The following TSC22D1 variants were observed in gnomAD, a reference collection of about 807,000 sequenced individuals.
TSC22D1 encodes the protein TSC22 domain family protein 1.
TSC22D1 carries 9 observed loss-of-function variants against 74.2 expected under a neutral mutation model. The ratio of observed to expected loss-of-function variants is 0.12; its 90% CI spans 0.07 to 0.21. TSC22D1 has a LOEUF of 0.21. Among genes scored for constraint, TSC22D1 ranks in the 10% least tolerant of loss-of-function variants. TSC22D1 has a pLI of 1.00. For synonymous variants in TSC22D1, 586 were observed against 492.5 expected, an observed-to-expected ratio of 1.19 and a Z score of -2.51; for missense variants, 1,427 against 1,304.7, an observed-to-expected ratio of 1.09 and a Z score of -1.44.
At position 44,576,051 on chromosome 13, in the gene TSC22D1, G is replaced by A; in HGVS notation, c.24C>T (p.Thr8=). ...TGTCTGCAGCGGCGGCGGCCGCGGC[G>A]GTGGACTCAGGCGGCTGGTGCATTG... The part of the protein sequence containing the change: MHQPPES[T]AAAAAAADIS... Residue 8 remains threonine, a synonymous_variant, in exon 1 of 3, where the codon ACC becomes ACT. Transcript: ENST00000458659. 6.4e-7 allele frequency: 1 copy of A among 1,566,202 alleles called. No homozygotes were observed. The highest frequency in any genetic ancestry group is 8.6e-7 in the Non-Finnish European group (1 of 1,158,528).
At chr13:44,530,878 C>T (rs1880799517) in intron 1 of TSC22D1, among the ~76,000 whole-genome samples, 1 of 152,152 alleles carries the variant, frequency 6.6e-6, no homozygotes, top group African/African-American at 2.4e-5. Flanking sequence ...ACAGAAATCA[C>T]ATTCATTGCT....
intron 1 of TSC22D1, among the ~76,000 whole-genome samples, chr13:44,545,282 C>T (rs1437151073): frequency 6.6e-6 from 1 of 151,986 alleles, no homozygotes; most frequent in Admixed American, 6.6e-5. Flanking sequence ...TTGCAATGAG[C>T]CGAGATCACA....
At chr13:44,500,682 G>A (rs61947965) in intron 1 of TSC22D1, among the ~76,000 whole-genome samples, 3,728 of 152,054 alleles carry the variant, frequency 0.025, 67 homozygotes, top group Middle Eastern at 0.044. Context: ...TCTTTCTATG[G>A]ACATGCTTCG....
intron 1 of TSC22D1, among the ~76,000 whole-genome samples, chr13:44,444,881 G>C (rs573093859): frequency 5.3e-5 from 8 of 152,032 alleles, no homozygotes; most frequent in Non-Finnish European, 1.0e-4. Flanking sequence ...CAGATAACTT[G>C]AATAGTCCTG....
intron 1 of TSC22D1, among the ~76,000 whole-genome samples, chr13:44,444,105 C>T (rs989764148): frequency 9.3e-5 from 14 of 151,138 alleles, no homozygotes; most frequent in Admixed American, 2.0e-4. Context: ...ATGGTAAAAA[C>T]CCATCTCTAC....
chr13:44,538,303 T>A, intron 1 of TSC22D1: 1 of 985,214 alleles, frequency 1.0e-6, no homozygotes, highest in Non-Finnish European at 1.2e-6. Context: ...TTGACAATTA[T>A]AATAAGCCTC....
intron 2 of TSC22D1, among the ~76,000 whole-genome samples, chr13:44,435,577 A>G (rs1467143848): frequency 6.6e-6 from 1 of 152,086 alleles, no homozygotes; most frequent in Non-Finnish European, 1.5e-5. Context: ...ATTCTTCTTC[A>G]TTGTGAAGGA....
At chr13:44,551,395 T>TGTGG (rs1566169582) in intron 1 of TSC22D1, among the ~76,000 whole-genome samples, 26 of 122,540 alleles carry the variant, frequency 2.1e-4, no homozygotes, top group South Asian at 5.1e-4. Context: ...GATGGGTGTG[T>TGTGG]GTGTGTGTGT....
chr13:44,450,763 G>C (rs150575698), intron 1 of TSC22D1, among the ~76,000 whole-genome samples: 8 of 152,196 alleles, frequency 5.3e-5, no homozygotes, highest in African/African-American at 1.9e-4. Flanking sequence ...GGGAAATACG[G>C]TTTTGGAACT....
rs186746835 is a variant in TSC22D1, at chr13:44,434,154, C to T, written c.*472G>A. Reference sequence around the variant, plus strand: ...CAAATTTGTACAGTGAACTCTGTTCCCCCTCATTTTAGTCTTTTTACCCTC... The same window carrying T: ...CAAATTTGTACAGTGAACTCTGTTCTCCCTCATTTTAGTCTTTTTACCCTC... On this transcript the variant is annotated 3_prime_UTR_variant, in exon 3 of 3. Coordinates refer to ENST00000458659, the MANE Select transcript of TSC22D1 (RefSeq NM_183422.4). The T allele has an allele frequency of 6.7e-7, 1 of 1,482,892 alleles. No individual in the cohort carries two copies. Among genetic ancestry groups the T allele is most frequent in the Non-Finnish European group, 8.8e-7 (1 of 1,131,194 alleles). 91.9% of individuals were successfully genotyped at this position (1,482,892 alleles called of 1,614,324 possible). A position where few individuals can be genotyped will look rare whatever the true frequency, so the allele number is the denominator to read the frequency against.
intron 1 of TSC22D1, among the ~76,000 whole-genome samples, chr13:44,570,752 T>A (rs1223632291): frequency 6.6e-6 from 1 of 152,182 alleles, no homozygotes; most frequent in African/African-American, 2.4e-5. Context: ...ATGTATTCCC[T>A]CTCTCCTGAG....
chr13:44,552,913 G>A (rs550324689), intron 1 of TSC22D1, among the ~76,000 whole-genome samples: 5 of 152,282 alleles, frequency 3.3e-5, no homozygotes, highest in East Asian at 3.9e-4. Flanking sequence ...GCGTGAACCC[G>A]GAAGGCGAAG....
chr13:44,454,860 G>A (rs1298733559), intron 1 of TSC22D1, among the ~76,000 whole-genome samples: 2 of 152,172 alleles, frequency 1.3e-5, no homozygotes, highest in African/African-American at 4.8e-5. Context: ...TATCATAACA[G>A]ATGCTGTCAT....
At chr13:44,557,340 A>T (rs987803132) in intron 1 of TSC22D1, among the ~76,000 whole-genome samples, 1 of 152,062 alleles carries the variant, frequency 6.6e-6, no homozygotes, top group African/African-American at 2.4e-5. Flanking sequence ...GCACACCTGT[A>T]ATCCCAGCTA....
intron 1 of TSC22D1, among the ~76,000 whole-genome samples, chr13:44,561,427 T>C (rs770629906): frequency 1.1e-4 from 16 of 152,212 alleles, no homozygotes; most frequent in Non-Finnish European, 1.5e-4. Flanking sequence ...CTCCATTCCA[T>C]GTCCAATCAA....
At chr13:44,524,533 C>T (rs551868434) in intron 1 of TSC22D1, among the ~76,000 whole-genome samples, 5 of 152,146 alleles carry the variant, frequency 3.3e-5, no homozygotes, top group Non-Finnish European at 7.4e-5. Flanking sequence ...GGGCTCCCCA[C>T]ACTTCCATGA....
intron 1 of TSC22D1, among the ~76,000 whole-genome samples, chr13:44,472,703 C>T (rs1011165995): frequency 1.3e-5 from 2 of 152,162 alleles, no homozygotes; most frequent in Admixed American, 1.3e-4. Context: ...ACCCTGGAGG[C>T]TGAGGTGGGA....
At chr13:44,463,828 T>C (rs1319514879) in intron 1 of TSC22D1, among the ~76,000 whole-genome samples, 1 of 152,180 alleles carries the variant, frequency 6.6e-6, no homozygotes, top group Non-Finnish European at 1.5e-5. Context: ...TTACTGTACC[T>C]GTTTTTGAGT....
chr13:44,570,189 T>C (rs1380730998), intron 1 of TSC22D1, among the ~76,000 whole-genome samples: 1 of 130,548 alleles, frequency 7.7e-6, no homozygotes, highest in South Asian at 2.4e-4. Flanking sequence ...ACATTAAGAC[T>C]TTTTTTTTTT....
Sources: allele counts gnomAD v4.1 joint callset (sites outside exome capture counted in the v4.1 genomes callset), GRCh38; gene constraint gnomAD v4.1.1; transcripts MANE v1.5; gene names NCBI Gene and HGNC (gene_info 2026-07-23, HGNC 2026-07-21).